Variants in OPCML observed in about 807,000 individuals in gnomAD.
OPCML encodes the protein opioid binding protein/cell adhesion molecule like, also known as opioid-binding protein/cell adhesion molecule.
Under a neutral mutation model 37.8 loss-of-function variants are expected in OPCML, and 13 were observed. The observed-to-expected ratio is 0.34, with a 90% confidence interval of 0.22 to 0.55. The LOEUF (loss-of-function observed/expected upper bound fraction) is 0.55, where lower values mean the gene tolerates loss of function less well. OPCML is among the 20% of genes least tolerant of loss of function. OPCML has a pLI of 0.91. For synonymous variants in OPCML, 176 were observed against 168.8 expected (o/e 1.04, Z -0.33); for missense variants, 341 against 435.6 (o/e 0.78, Z 1.93).
chr11:132,914,732 A>G (rs1357138336), intron 2 of OPCML, among the ~76,000 whole-genome samples: 1 of 152,198 alleles, frequency 6.6e-6, no homozygotes, highest in Non-Finnish European at 1.5e-5. Context: ...CTGAGTCATG[A>G]ACAAAGTTGG....
chr11:132,433,111 C>A (rs2096002775), intron 7 of OPCML, among the ~76,000 whole-genome samples: 1 of 152,056 alleles, frequency 6.6e-6, no homozygotes, highest in Non-Finnish European at 1.5e-5. Context: ...ACCGTGAATG[C>A]TGGAGAGGAA....
At chr11:133,213,340 T>C (rs1184948537) in intron 1 of OPCML, among the ~76,000 whole-genome samples, 1 of 150,540 alleles carries the variant, frequency 6.6e-6, no homozygotes, top group Non-Finnish European at 1.5e-5. Flanking sequence ...CAATAATGAA[T>C]AATTTAAAAG....
intron 1 of OPCML, among the ~76,000 whole-genome samples, chr11:133,247,259 A>G (rs1306585258): frequency 6.6e-6 from 1 of 152,216 alleles, no homozygotes; most frequent in Non-Finnish European, 1.5e-5. Context: ...AAGCCCAGAG[A>G]AGGAAAAGAA....
At chr11:132,780,477 T>C (rs1174119283) in intron 2 of OPCML, among the ~76,000 whole-genome samples, 1 of 152,158 alleles carries the variant, frequency 6.6e-6, no homozygotes, top group Non-Finnish European at 1.5e-5. Context: ...CCAAACTTAG[T>C]CCCCTGAGAA....
At chr11:132,424,181 G>A (rs1000060786) in intron 7 of OPCML, among the ~76,000 whole-genome samples, 20 of 151,468 alleles carry the variant, frequency 1.3e-4, no homozygotes, top group African/African-American at 2.2e-4. Flanking sequence ...GTGCAGTGGC[G>A]TGATCTCGGC....
chr11:133,437,082 T>G (rs1156442578), intron 1 of OPCML, among the ~76,000 whole-genome samples: 1 of 152,202 alleles, frequency 6.6e-6, no homozygotes, highest in African/African-American at 2.4e-5. Context: ...TTGTTTAAGT[T>G]TTTAGCACAT....
At chr11:132,752,183 T>A (rs1945857565) in intron 2 of OPCML, among the ~76,000 whole-genome samples, 1 of 152,004 alleles carries the variant, frequency 6.6e-6, no homozygotes, top group Non-Finnish European at 1.5e-5. Context: ...GCAGTTTGGA[T>A]GATAGATTGG....
chr11:133,493,352 A>G (rs529463585), intron 1 of OPCML, among the ~76,000 whole-genome samples: 4 of 152,392 alleles, frequency 2.6e-5, no homozygotes, highest in East Asian at 3.9e-4. Context: ...AACTGTAGAC[A>G]TAAGTAGAAA....
chr11:133,286,425 G>A (rs774518167), intron 1 of OPCML, among the ~76,000 whole-genome samples: 12 of 131,156 alleles, frequency 9.1e-5, no homozygotes, highest in Non-Finnish European at 1.8e-4. Flanking sequence ...AGCCGAGATC[G>A]CGCCACTGCA....
chr11:133,388,259 A>G (rs926556851), intron 1 of OPCML, among the ~76,000 whole-genome samples: 2 of 152,210 alleles, frequency 1.3e-5, no homozygotes, highest in East Asian at 3.8e-4. Context: ...TTTGGTAAGC[A>G]CACAGAGACA....
At chr11:133,517,239 A>G (rs1159790061) in intron 1 of OPCML, among the ~76,000 whole-genome samples, 1 of 152,182 alleles carries the variant, frequency 6.6e-6, no homozygotes, top group Non-Finnish European at 1.5e-5. Flanking sequence ...TCTTTTTATC[A>G]TTATATATAA....
intron 1 of OPCML, among the ~76,000 whole-genome samples, chr11:133,322,153 C>T (rs1943344619): frequency 6.6e-6 from 1 of 152,076 alleles, no homozygotes; most frequent in Non-Finnish European, 1.5e-5. Flanking sequence ...TAGGCTGCAA[C>T]CTATGGTCTT....
chr11:133,532,432 T>C lies in OPCML; in HGVS notation c.-108A>G. ...TCTGAGCAGGTTTAAATCCAATGTT[T>C]GCAAAGGGAGGGAGAGAGCAGAAGA... On this transcript the variant is annotated 5_prime_UTR_variant, in exon 1 of 8. Transcript: ENST00000524381. 1.5e-6 allele frequency: 2 copies of C among 1,359,014 alleles called. No homozygotes were observed. The highest frequency in any genetic ancestry group is 2.1e-6 in the Non-Finnish European group (2 of 975,574). The allele number at this position is 1,359,014 out of a possible 1,614,324, so 84.2% of individuals were successfully genotyped here. A position where few individuals can be genotyped will look rare whatever the true frequency, so the allele number is the denominator to read the frequency against.
rs149911552 is a variant in OPCML at position 132,929,608 on chromosome 11, A to C, written c.146+13318T>G. 3.9e-4 allele frequency among the ~76,000 whole-genome samples: 59 copies of C among 152,332 alleles called. No homozygotes were observed. The East Asian group carries it at 0.011, about 28-fold the overall frequency. On this transcript the variant is annotated intron_variant, in intron 2 of 7. Transcript: ENST00000524381. The stretch of plus-strand genomic sequence containing the variant: ...AAGACATTACCAAAACAACAACAAC[A>C]ACAACAAAACCAATACTAGTCTAAT...
At chr11:133,132,107 C>G (rs11607303) in intron 1 of OPCML, among the ~76,000 whole-genome samples, 1 of 152,014 alleles carries the variant, frequency 6.6e-6, no homozygotes, top group Non-Finnish European at 1.5e-5. Flanking sequence ...AGACAAATAC[C>G]ACTGAAAGTG....
chr11:132,646,356 G>A lies in OPCML; in HGVS notation c.379+10731C>T, dbSNP rs1006937247. 3.3e-5 allele frequency among the ~76,000 whole-genome samples: 5 copies of A among 152,264 alleles called. No homozygotes were observed. In the South Asian group the frequency reaches 8.3e-4, roughly 25 times the overall value. On this transcript the variant is annotated intron_variant, in intron 3 of 7. Transcript: ENST00000524381. ...ATAAAGAAGTAAGAATAGAAAAGAC[G>A]GTTTGGCCCTGGATTGCTCAGCACT... is the stretch of plus-strand genomic sequence containing the variant.
chr11:133,132,631 A>G (rs1434021955), intron 1 of OPCML, among the ~76,000 whole-genome samples: 1 of 152,168 alleles, frequency 6.6e-6, no homozygotes, highest in Non-Finnish European at 1.5e-5. Context: ...TGAATGGCCA[A>G]CCAAACTGTG....
intron 1 of OPCML, among the ~76,000 whole-genome samples, chr11:133,087,265 A>G (rs922609018): frequency 6.6e-6 from 1 of 152,210 alleles, no homozygotes; most frequent in African/African-American, 2.4e-5. Flanking sequence ...GAAGATGTTA[A>G]TAAGCATTTT....
Position 132,745,608 on chromosome 11 carries a change from A to AAAG in OPCML, c.147-88290_147-88289insCTT, listed in dbSNP as rs1565828015. Among the ~76,000 whole-genome samples, 345 of 143,240 alleles carry AAAG rather than the reference A, an allele frequency of 2.4e-3. 7 individuals carry two copies. Among genetic ancestry groups the AAAG allele is most frequent in the Non-Finnish European group, 3.4e-3 (222 of 65,208 alleles). The allele number at this position is 143,240 out of a possible 152,430, so 94.0% of individuals were successfully genotyped here. ...AGAAAGAAAGAAAGAAAGAAAGAAA[A>AAAG]AAAAAGGACAATGGTCTTAAGCTTT... On this transcript the variant is annotated intron_variant, in intron 2 of 7. Coordinates refer to ENST00000524381, the MANE Select transcript of OPCML (RefSeq NM_001012393.5).
Sources: allele counts gnomAD v4.1 joint callset (sites outside exome capture counted in the v4.1 genomes callset), GRCh38; gene constraint gnomAD v4.1.1; transcripts MANE v1.5; gene names NCBI Gene and HGNC (gene_info 2026-07-23, HGNC 2026-07-21).